FBH1: variants seen among roughly 807,000 people sequenced by gnomAD.
The protein encoded by FBH1 is DNA 3'-5' helicase 1.
A neutral mutation model predicts 115.5 loss-of-function variants in FBH1; 43 were observed. The observed-to-expected ratio is 0.37, with a 90% CI of 0.29 to 0.48. The LOEUF (loss-of-function observed/expected upper bound fraction) is 0.48. Among genes scored for constraint, FBH1 ranks in the 20% least tolerant of loss-of-function variants. The pLI is 0.99. For synonymous variants in FBH1, 524 were observed against 507.8 expected (o/e 1.03, Z -0.43); for missense variants, 1,001 against 1,337.3 (o/e 0.75, Z 3.92).
At chr10:5,930,417 C>G (rs989619506) in intron 19 of FBH1, among the ~76,000 whole-genome samples, 2 of 152,188 alleles carry the variant, frequency 1.3e-5, no homozygotes, top group African/African-American at 4.8e-5. Flanking sequence ...ACAGAGCGTC[C>G]CCATTCTTGG....
intron 19 of FBH1, chr10:5,929,639 C>T (rs1183721711): frequency 1.3e-5 from 2 of 152,196 alleles, no homozygotes; most frequent in Non-Finnish European, 2.9e-5. Flanking sequence ...CTACCCAGCC[C>T]CACTGCTGTA....
chr10:5,920,211 C>G (rs192248683), intron 13 of FBH1, among the ~76,000 whole-genome samples: 77 of 152,320 alleles, frequency 5.1e-4, no homozygotes, highest in African/African-American at 1.7e-3. Flanking sequence ...TGTCTAATGT[C>G]TTTTCTCATG....
chr10:5,919,585 G>A (rs1357976903), intron 13 of FBH1, among the ~76,000 whole-genome samples: 1 of 152,212 alleles, frequency 6.6e-6, no homozygotes, highest in Non-Finnish European at 1.5e-5. Flanking sequence ...GCTCTTTGGA[G>A]GCTTTTTAAG....
In FBH1 at chr10:5,932,011, G is replaced by A. The variant is rs1485491800; in HGVS notation, c.2830-4445G>A. Among the ~76,000 whole-genome samples the A allele has an allele frequency of 6.6e-6, 1 of 152,220 alleles. No individual in the cohort carries two copies. The highest frequency in any genetic ancestry group is 1.5e-5 in the Non-Finnish European group (1 of 68,042). ...AATACAGAAAAATTAGCTAGTCATG[G>A]TGGTGCATACCTGTAGCCCCAGCTA... On this transcript the variant is annotated intron_variant, in intron 19 of 20. Coordinates refer to ENST00000362091, the MANE Select transcript of FBH1 (RefSeq NM_178150.3). This position sits in a 1 kb window ranked among gnomAD's most constrained non-coding sequence, Gnocchi z 5.9.
At chr10:5,930,703 GA>G (rs1008330690) in intron 19 of FBH1, among the ~76,000 whole-genome samples, 7 of 151,946 alleles carry the variant, frequency 4.6e-5, no homozygotes, top group South Asian at 4.2e-4. Flanking sequence ...TGAAAAGAAA[GA>G]AAAAAAAACA....
rs1046477431 is a variant in FBH1 at position 5,936,798 on chromosome 10, G to A, written c.2961+211G>A. Reference sequence around the variant, plus strand: ...CTGCCTGGCTGTGCTGAAGCCGCAGGTCTGGGAGGCTGGGTTGTGATACAC... The same window carrying A: ...CTGCCTGGCTGTGCTGAAGCCGCAGATCTGGGAGGCTGGGTTGTGATACAC... On this transcript the variant is annotated intron_variant, in intron 20 of 20. Transcript: ENST00000362091. This position sits in a 1 kb window ranked among gnomAD's most constrained non-coding sequence, Gnocchi z 5.6. 3 of 657,852 alleles carry A rather than the reference G, an allele frequency of 4.6e-6. No homozygotes were observed. The highest frequency in any genetic ancestry group is 7.6e-6 in the Non-Finnish European group (3 of 396,188). 40.8% of individuals were successfully genotyped at this position (657,852 alleles called of 1,614,324 possible).
In FBH1 at chr10:5,917,681, T is replaced by C. The variant is rs780710052; in HGVS notation, c.1963+5T>C. On this transcript the variant is annotated splice_donor_5th_base_variant and intron_variant, in intron 12 of 20. Transcript: ENST00000362091. This position sits in a 1 kb window ranked among gnomAD's most constrained non-coding sequence, Gnocchi z 5.6. ...AGGCCCAGGACTGCACACCAGGTGATACACTGTTCAGGACATCAGTAGTGT... is the reference window on the plus strand; with the variant it reads ...AGGCCCAGGACTGCACACCAGGTGACACACTGTTCAGGACATCAGTAGTGT... The C allele has an allele frequency of 7.4e-6, 12 of 1,611,856 alleles. No individual in the cohort carries two copies. In the South Asian group the frequency reaches 1.2e-4, roughly 16 times the overall value.
Position 5,914,960 on chromosome 10 carries a change from C to T in FBH1, c.1397-443C>T, listed in dbSNP as rs1329818906. Among the ~76,000 whole-genome samples the T allele has an allele frequency of 6.6e-6, 1 of 152,134 alleles. No individual in the cohort carries two copies. Among genetic ancestry groups the T allele is most frequent in the East Asian group, 1.9e-4 (1 of 5,192 alleles). On this transcript the variant is annotated intron_variant, in intron 8 of 20. Transcript: ENST00000362091. The surrounding 1 kb of genome is among the most constrained non-coding windows in gnomAD (Gnocchi z 5.2). ...TTTTATAGAGGAAGAAACTGAAGCA[C>T]AGAGAGCCTTGCCCGGGGTTGAATA...
At position 5,933,648 on chromosome 10, in the gene FBH1, T is replaced by C. The variant is rs934921578; in HGVS notation, c.2830-2808T>C. Among the ~76,000 whole-genome samples the C allele has an allele frequency of 2.6e-5, 4 of 151,916 alleles. No homozygotes were observed. Among genetic ancestry groups the C allele is most frequent in the African/African-American group, 4.8e-5 (2 of 41,366 alleles). On this transcript the variant is annotated intron_variant, in intron 19 of 20. Coordinates refer to ENST00000362091, the MANE Select transcript of FBH1 (RefSeq NM_178150.3). The surrounding 1 kb of genome is among the most constrained non-coding windows in gnomAD (Gnocchi z 4.9). ...GAAGTGGAGGCACTCTGCTGTTTTT[T>C]TTTTTTTTTTAAAAAACAGAGTCTC...
chr10:5,897,245 T>TA lies in FBH1; in HGVS notation c.2-5774dup, dbSNP rs1589047162. ...CTCTGAATTCAGCATGGCAGGTTAT[T>TA]ATAATCCTCGTTTTCATAAGCAAGG... On this transcript the variant is annotated intron_variant, in intron 1 of 20. Transcript: ENST00000362091. The surrounding 1 kb of genome is among the most constrained non-coding windows in gnomAD (Gnocchi z 4.7). 3.9e-5 allele frequency among the ~76,000 whole-genome samples: 6 copies of TA among 152,324 alleles called. No individual in the cohort carries two copies. The East Asian group carries it at 1.2e-3, about 29-fold the overall frequency.
Position 5,933,931 on chromosome 10 carries a change from C to T in FBH1, c.2830-2525C>T, listed in dbSNP as rs1269560451. 3.9e-5 allele frequency among the ~76,000 whole-genome samples: 6 copies of T among 152,254 alleles called. No homozygotes were observed. The highest frequency in any genetic ancestry group is 3.9e-4 in the East Asian group (2 of 5,184). On this transcript the variant is annotated intron_variant, in intron 19 of 20. Transcript: ENST00000362091. The surrounding 1 kb of genome is among the most constrained non-coding windows in gnomAD (Gnocchi z 4.9). ...CCTCCCAAAGTGTTGGGATTATAGG[C>T]GTGAGCCACCATGTCCAGCCTTTTT...
chr10:5,906,690 T>C lies in FBH1; in HGVS notation c.753+58T>C. 1 of 1,355,344 alleles carries C rather than the reference T, an allele frequency of 7.4e-7. No individual in the cohort carries two copies. The highest frequency in any genetic ancestry group is 1.0e-6 in the Non-Finnish European group (1 of 978,964). 84.0% of individuals were successfully genotyped at this position (1,355,344 alleles called of 1,614,324 possible). A position where few individuals can be genotyped will look rare whatever the true frequency, so the allele number is the denominator to read the frequency against. ...TCTAAAAGCACGTAACTTTGCTTAA[T>C]GCACGCTTATAATCAGAGGATCTTT... is the stretch of plus-strand genomic sequence containing the variant. On this transcript the variant is annotated intron_variant, in intron 3 of 20. Transcript: ENST00000362091. This position sits in a 1 kb window ranked among gnomAD's most constrained non-coding sequence, Gnocchi z 7.3.
At position 5,932,415 on chromosome 10, in the gene FBH1, AT is replaced by A. The variant is rs570514338; in HGVS notation, c.2830-4035del. Among the ~76,000 whole-genome samples the A allele has an allele frequency of 2.0e-5, 3 of 151,960 alleles. No individual in the cohort carries two copies. Among genetic ancestry groups the A allele is most frequent in the African/African-American group, 7.2e-5 (3 of 41,432 alleles). On this transcript the variant is annotated intron_variant, in intron 19 of 20. Transcript: ENST00000362091. The surrounding 1 kb of genome is among the most constrained non-coding windows in gnomAD (Gnocchi z 5.9). ...TCTTTTATTTATTTTTTACTCTTTT[AT>A]TTTTTGCCCTTTTATTCTTTTATTT...
chr10:5,915,565 G>A lies in FBH1; in HGVS notation c.1559G>A (p.Gly520Glu). 1.2e-6 allele frequency: 2 copies of A among 1,614,142 alleles called. No homozygotes were observed. The highest frequency in any genetic ancestry group is 1.7e-6 in the Non-Finnish European group (2 of 1,180,008). ...TFHSMAYGHIGRKYQSKKKLN... is the reference protein window; with the variant it reads ...TFHSMAYGHIERKYQSKKKLN... ...CACTCCATGGCCTACGGGCACATAG[G>A]GCGGAAGTGAGTACTGCTGTCACTA... Residue 520 changes from glycine (G) to glutamate (E), a missense_variant, in exon 9 of 21, where the codon GGG (glycine) becomes GAG (glutamate). By Grantham distance (98) the Gly-to-Glu change is moderately conservative (BLOSUM62 -2). Transcript: ENST00000362091. The surrounding 1 kb of genome is among the most constrained non-coding windows in gnomAD (Gnocchi z 5.2).
At chr10:5,907,562 C>A (rs1418815085) in intron 3 of FBH1, among the ~76,000 whole-genome samples, 1 of 151,302 alleles carries the variant, frequency 6.6e-6, no homozygotes, top group Non-Finnish European at 1.5e-5. Context: ...CAACCTCCAC[C>A]TCCCAAGTTC....
chr10:5,905,802 T>C (rs679610), intron 2 of FBH1, among the ~76,000 whole-genome samples: 126,820 of 152,184 alleles, frequency 0.83, 53,071 homozygotes, highest in Admixed American at 0.88. Context: ...GGCCATCACA[T>C]CATGTGAAGA....
rs376578900 is a variant in FBH1 at position 5,923,712 on chromosome 10, G to A, written c.2398+16G>A. 31 of 1,610,256 alleles carry A rather than the reference G, an allele frequency of 1.9e-5. No homozygotes were observed. In the African/African-American group the frequency reaches 2.7e-4, roughly 14 times the overall value. ...CGGAGGAAACGTGAGTACCCACCTG[G>A]CCTTGGTGCATTGGAAGGACGCACC... is the stretch of plus-strand genomic sequence containing the variant. On this transcript the variant is annotated intron_variant, in intron 16 of 20. Coordinates refer to ENST00000362091, the MANE Select transcript of FBH1 (RefSeq NM_178150.3). This position sits in a 1 kb window ranked among gnomAD's most constrained non-coding sequence, Gnocchi z 5.7.
At chr10:5,929,242 A>G (rs1832832876) in intron 19 of FBH1, 1 of 152,264 alleles carries the variant, frequency 6.6e-6, no homozygotes, top group Non-Finnish European at 1.5e-5. Context: ...GATAATATCA[A>G]AACTTAAAAG....
At chr10:5,916,667 G>A (rs1240441375) in intron 10 of FBH1, among the ~76,000 whole-genome samples, 1 of 150,044 alleles carries the variant, frequency 6.7e-6, no homozygotes, top group African/African-American at 2.5e-5. Context: ...GAGGATGGGG[G>A]ATCAGGGGAA....
Sources: gnomAD v4.1 joint callset for allele counts (sites outside exome capture counted in the v4.1 genomes callset) on GRCh38, gnomAD v4.1.1 for gene constraint, Gnocchi (gnomAD v3.1) non-coding constraint, MANE v1.5 for transcripts, NCBI Gene and HGNC (gene_info 2026-07-23, HGNC 2026-07-21) for gene names.